HERC6: variants seen among roughly 807,000 people sequenced by gnomAD.
HERC6 encodes the protein probable E3 ubiquitin-protein ligase HERC6.
HERC6 carries 101 observed loss-of-function variants against 114.5 expected under a neutral mutation model. That is an observed-to-expected ratio of 0.88 (90% CI 0.75 to 1.04). The LOEUF is 1.04. Ranked by LOEUF, HERC6 falls within the 50% of genes least tolerant of loss-of-function variation. HERC6 has a pLI of 0.00. For synonymous variants in HERC6, 408 were observed against 436.2 expected (o/e 0.94, Z 0.81); for missense variants, 1,133 against 1,230.9 (o/e 0.92, Z 1.19).
At position 88,428,725 on chromosome 4, in the gene HERC6, C is replaced by T; in HGVS notation, c.2081C>T (p.Ala694Val). ...CTGCGTCAATTAAGTCAAGCTGAAG[C>T]TACTGACTTCTGCAAAGTATTAGTG... ...DALRQLSQAE[A>V]TDFCKVLVVE... Residue 694 changes from alanine to valine, a missense_variant, in exon 16 of 23, where the codon GCT becomes GTT. This residue lies in a region of HERC6 where 388 missense variants were observed against 445.9 expected (regional missense o/e 0.87). Coordinates refer to ENST00000264346, the MANE Select transcript of HERC6 (RefSeq NM_017912.4). 3.8e-6 allele frequency: 6 copies of T among 1,579,962 alleles called. No individual in the cohort carries two copies. Among genetic ancestry groups the T allele is most frequent in the Non-Finnish European group, 5.1e-6 (6 of 1,165,538 alleles).
At chr4:88,413,301 A>G in intron 12 of HERC6, 35 bp downstream of exon 12, 2 of 1,503,042 alleles carry the variant, frequency 1.3e-6, no homozygotes, top group Non-Finnish European at 9.1e-7. Flanking sequence ...TACTCTCAAT[A>G]TAGAGTCACT....
chr4:88,406,629 A>G (rs1735824848), intron 10 of HERC6, among the ~76,000 whole-genome samples: 1 of 152,244 alleles, frequency 6.6e-6, no homozygotes, highest in African/African-American at 2.4e-5. Flanking sequence ...AAGATTGCGA[A>G]AGAGAATATA....
intron 16 of HERC6, among the ~76,000 whole-genome samples, chr4:88,429,779 G>A (rs1312625172): frequency 6.6e-6 from 1 of 152,096 alleles, no homozygotes; most frequent in Non-Finnish European, 1.5e-5. Flanking sequence ...TATAAACCAG[G>A]CTTTCTAGTT....
At chr4:88,402,336 T>G (rs1735589949) in intron 8 of HERC6, among the ~76,000 whole-genome samples, 2 of 152,166 alleles carry the variant, frequency 1.3e-5, no homozygotes, top group South Asian at 4.1e-4. Context: ...CTGGAGACAT[T>G]GTAGTTTGTC....
chr4:88,381,967 A>G (rs1465660647), intron 1 of HERC6, among the ~76,000 whole-genome samples: 2 of 152,020 alleles, frequency 1.3e-5, no homozygotes, highest in African/African-American at 4.8e-5. Context: ...GTTGATTCTC[A>G]ATTGCCTTCA....
rs1239832844 is a variant in HERC6 at position 88,442,233 on chromosome 4, G to T, written c.2843-1G>T. ...CTTAACCAAATTTTATTCCTTTCTA[G>T]TTTTCCTTACAGGACGTGATAGGCT... On this transcript the variant is annotated splice_acceptor_variant, in intron 22 of 22. Coordinates refer to ENST00000264346, the MANE Select transcript of HERC6 (RefSeq NM_017912.4). LOFTEE classifies it high-confidence loss of function. The T allele has an allele frequency of 1.2e-6, 2 of 1,603,988 alleles. No individual in the cohort carries two copies.
chr4:88,392,437 G>A (rs544766799), intron 4 of HERC6, among the ~76,000 whole-genome samples: 3 of 152,012 alleles, frequency 2.0e-5, no homozygotes, highest in African/African-American at 7.2e-5. Context: ...TGATCCACCC[G>A]CCTCAACCTC....
chr4:88,379,048 A>T lies in HERC6; in HGVS notation c.127A>T (p.Arg43Trp), dbSNP rs1383011709. ...CTCTCTGCTGCTGCTGACCAACCAC[A>T]GGGTCCTCTCGTGCGGAGACAACAG... ...RHSLLLLTNH[R>W]VLSCGDNSRG... The change falls in exon 1 of 23, where the codon AGG becomes TGG. Residue 43 changes from arginine to tryptophan, a missense_variant. Physicochemically the swap from Arg to Trp is moderately radical, Grantham distance 101 (BLOSUM62 -3). Coordinates refer to ENST00000264346, the MANE Select transcript of HERC6 (RefSeq NM_017912.4). 3.8e-6 allele frequency: 6 copies of T among 1,560,992 alleles called. No homozygotes were observed. The highest frequency in any genetic ancestry group is 5.2e-6 in the Non-Finnish European group (6 of 1,154,314).
At chr4:88,387,361 C>CA (rs1461549416) in intron 3 of HERC6, among the ~76,000 whole-genome samples, 41 of 152,280 alleles carry the variant, frequency 2.7e-4, no homozygotes, top group Admixed American at 1.3e-3. Flanking sequence ...TGTGCCACTG[C>CA]ATTCCAGGCT....
intron 5 of HERC6, among the ~76,000 whole-genome samples, chr4:88,394,897 G>A (rs375985447): frequency 2.0e-5 from 3 of 152,096 alleles, no homozygotes; most frequent in Admixed American, 6.6e-5. Context: ...AATTATTATA[G>A]AAGCAACAAA....
At chr4:88,387,460 A>C (rs1560534009) in intron 3 of HERC6, among the ~76,000 whole-genome samples, 1 of 152,220 alleles carries the variant, frequency 6.6e-6, no homozygotes. Flanking sequence ...AGAAATGGAA[A>C]AAATTGAGTT....
Position 88,379,138 on chromosome 4 carries a change from G to C in HERC6, c.199+18G>C. 3 of 1,531,032 alleles carry C rather than the reference G, an allele frequency of 2.0e-6. No homozygotes were observed. Among genetic ancestry groups the C allele is most frequent in the Non-Finnish European group, 2.6e-6 (3 of 1,141,854 alleles). 94.8% of individuals were successfully genotyped at this position (1,531,032 alleles called of 1,614,324 possible). A position where few individuals can be genotyped will look rare whatever the true frequency, so the allele number is the denominator to read the frequency against. On this transcript the variant is annotated intron_variant, in intron 1 of 22. Transcript: ENST00000264346. ...GCTGCCAGGTGAGCGGGGGGCCCCA[G>C]GTGCAGGGTGTGAGGACCCCAGTAC...
At chr4:88,395,905 T>C in intron 5 of HERC6, 110 bp from the exon 6 acceptor site, 1 of 871,104 alleles carries the variant, frequency 1.1e-6, no homozygotes, top group Non-Finnish European at 1.7e-6. Flanking sequence ...TATGTAGAGC[T>C]TGTGTTTCAC....
At chr4:88,424,561 A>G (rs1279553784) in intron 14 of HERC6, 34 bp from the exon 15 acceptor site, 1 of 1,448,516 alleles carries the variant, frequency 6.9e-7, no homozygotes, top group East Asian at 2.3e-5. Context: ...ATTGTTTTTA[A>G]TTATCAAAAC....
chr4:88,382,282 G>A (rs2110226962), intron 1 of HERC6, among the ~76,000 whole-genome samples: 1 of 152,304 alleles, frequency 6.6e-6, no homozygotes, highest in Non-Finnish European at 1.5e-5. Context: ...AAGCAGTTTA[G>A]GTTGGCTTGT....
chr4:88,431,674 G>T (rs938628468), intron 17 of HERC6, among the ~76,000 whole-genome samples: 5 of 152,194 alleles, frequency 3.3e-5, no homozygotes, highest in African/African-American at 1.2e-4. Context: ...GTAATTCCAG[G>T]ATTTTGAGAC....
chr4:88,403,617 A>G (rs1735659827), intron 8 of HERC6, among the ~76,000 whole-genome samples: 1 of 151,966 alleles, frequency 6.6e-6, no homozygotes, highest in African/African-American at 2.4e-5. Flanking sequence ...AGCTGGGCAC[A>G]GTGGCAGGTG....
Position 88,440,227 on chromosome 4 carries a change from T to C in HERC6, c.2819T>C (p.Leu940Ser). Reference protein sequence around the residue: ...LFWKAFHKLTLDEKKKFLFFL... With the variant: ...LFWKAFHKLTSDEKKKFLFFL... ...TGGAAGGCTTTCCACAAACTAACCT[T>C]GGATGAAAAGAAAAAATTCCTCTGT... The change falls in exon 22 of 23, where the codon TTG becomes TCG. Residue 940 changes from leucine to serine, a missense_variant. Physicochemically the swap from Leu to Ser is moderately radical, Grantham distance 145. Around this residue, in one of 3 missense-constraint regions of HERC6, gnomAD observed 388 missense variants for 445.9 expected, o/e 0.87. Coordinates refer to ENST00000264346, the MANE Select transcript of HERC6 (RefSeq NM_017912.4). 1.3e-6 allele frequency: 2 copies of C among 1,595,834 alleles called. No individual in the cohort carries two copies. Among genetic ancestry groups the C allele is most frequent in the African/African-American group, 1.3e-5 (1 of 74,722 alleles).
intron 16 of HERC6, among the ~76,000 whole-genome samples, chr4:88,430,085 C>T (rs1738033243): frequency 6.6e-6 from 1 of 151,892 alleles, no homozygotes; most frequent in South Asian, 2.1e-4. Flanking sequence ...ACATGATGGT[C>T]TATTGATCGA....
Sources: allele counts gnomAD v4.1 joint callset (sites outside exome capture counted in the v4.1 genomes callset), GRCh38; gene constraint gnomAD v4.1.1; regional missense constraint gnomAD v4.1.1; transcripts MANE v1.5; gene names NCBI Gene and HGNC (gene_info 2026-07-23, HGNC 2026-07-21).